The following TNFRSF10D variants were observed in gnomAD, a reference collection of about 807,000 sequenced individuals.
The protein encoded by TNFRSF10D is tumor necrosis factor receptor superfamily member 10D.
TNFRSF10D carries 28 observed loss-of-function variants against 42.1 expected under a neutral mutation model. That is an observed-to-expected ratio of 0.66 (90% CI 0.49 to 0.91). The LOEUF (loss-of-function observed/expected upper bound fraction) is 0.91. Among genes scored for constraint, TNFRSF10D ranks in the 40% least tolerant of loss-of-function variants. The probability of loss-of-function intolerance (pLI) is 0.00; values close to 1 mark genes in which losing one functional copy is unlikely to be tolerated. For missense variants in TNFRSF10D, 503 were observed against 486.1 expected, an observed-to-expected ratio of 1.03 and a Z score of -0.33; for synonymous variants, 186 against 189.4, an observed-to-expected ratio of 0.98 and a Z score of 0.15.
At chr8:23,159,019 A>C (rs1026827832) in intron 1 of TNFRSF10D, among the ~76,000 whole-genome samples, 2 of 152,036 alleles carry the variant, frequency 1.3e-5, no homozygotes, top group African/African-American at 4.8e-5. Context: ...ACAATAGATT[A>C]GTTGTATTTT....
intron 1 of TNFRSF10D, among the ~76,000 whole-genome samples, chr8:23,155,774 A>G (rs1461179284): frequency 1.3e-5 from 2 of 151,954 alleles, no homozygotes; most frequent in Admixed American, 6.6e-5. Context: ...CATCTAATGT[A>G]TTTAGTTTGA....
At chr8:23,163,755 TC>T in intron 1 of TNFRSF10D, 30 bp downstream of exon 1, 1 of 1,602,696 alleles carries the variant, frequency 6.2e-7, no homozygotes, top group Middle Eastern at 1.7e-4. Flanking sequence ...GGTGCGCTCT[TC>T]CCCAGCCAGG....
intron 5 of TNFRSF10D, among the ~76,000 whole-genome samples, chr8:23,145,381 G>C (rs373899526): frequency 6.6e-6 from 1 of 152,242 alleles, no homozygotes; most frequent in Non-Finnish European, 1.5e-5. Flanking sequence ...TTGAGGAGCT[G>C]ACTGCCCCCT....
intron 1 of TNFRSF10D, among the ~76,000 whole-genome samples, chr8:23,159,539 T>A (rs1262152560): frequency 6.6e-6 from 1 of 151,810 alleles, no homozygotes; most frequent in Non-Finnish European, 1.5e-5. Flanking sequence ...TCTCACTGCT[T>A]CTCTGTGCTA....
rs568631333 is a variant in TNFRSF10D at position 23,160,752 on chromosome 8, T to C, written c.150+3034A>G. On this transcript the variant is annotated intron_variant, in intron 1 of 8. Coordinates refer to ENST00000312584, the MANE Select transcript of TNFRSF10D (RefSeq NM_003840.5). ...TGGATACAGGACAGAGAACCAGAAC[T>C]GGGACCGTGGCCTCTCAGTAGGGGC... Among the ~76,000 whole-genome samples, 38 of 152,308 alleles carry C rather than the reference T, an allele frequency of 2.5e-4. 1 individual carries two copies. The highest frequency in any genetic ancestry group is 4.9e-4 in the Non-Finnish European group (33 of 68,004).
At chr8:23,156,783 G>T (rs1431229448) in intron 1 of TNFRSF10D, among the ~76,000 whole-genome samples, 1 of 152,110 alleles carries the variant, frequency 6.6e-6, no homozygotes, top group African/African-American at 2.4e-5. Flanking sequence ...TGCCCAGGCT[G>T]GTCTAACTCC....
chr8:23,156,270 C>T (rs556028496), intron 1 of TNFRSF10D, among the ~76,000 whole-genome samples: 1 of 152,090 alleles, frequency 6.6e-6, no homozygotes, highest in African/African-American at 2.4e-5. Context: ...TGTAAATTTA[C>T]ATTTAATTAA....
Position 23,137,433 on chromosome 8 carries a change from A to C in TNFRSF10D, c.*437T>G, listed in dbSNP as rs903853794. 2.5e-5 allele frequency: 4 copies of C among 157,068 alleles called. No individual in the cohort carries two copies. The highest frequency in any genetic ancestry group is 9.6e-5 in the African/African-American group (4 of 41,496). The allele number at this position is 157,068 out of a possible 1,614,324, so 9.7% of individuals were successfully genotyped here. A position where few individuals can be genotyped will look rare whatever the true frequency, so the allele number is the denominator to read the frequency against. On this transcript the variant is annotated 3_prime_UTR_variant, in exon 9 of 9. Coordinates refer to ENST00000312584, the MANE Select transcript of TNFRSF10D (RefSeq NM_003840.5). Reference sequence around the variant, plus strand: ...AGAAGCAGAAAAAAAGACTTGTCTCATGATGAAGAACTGCAAAGAATGACA... The same window carrying C: ...AGAAGCAGAAAAAAAGACTTGTCTCCTGATGAAGAACTGCAAAGAATGACA...
intron 7 of TNFRSF10D, among the ~76,000 whole-genome samples, chr8:23,143,376 C>G (rs1031722112): frequency 1.3e-5 from 2 of 151,998 alleles, no homozygotes; most frequent in African/African-American, 2.4e-5. Flanking sequence ...TGCCTGTAAT[C>G]CCACCACTTT....
chr8:23,157,755 C>T (rs1800301463), intron 1 of TNFRSF10D, among the ~76,000 whole-genome samples: 1 of 152,186 alleles, frequency 6.6e-6, no homozygotes, highest in Non-Finnish European at 1.5e-5. Context: ...TTTTTAACTA[C>T]AAGGGTCCCT....
chr8:23,155,015 T>A, intron 1 of TNFRSF10D, 36 bp from the exon 2 acceptor site: 1 of 1,524,080 alleles, frequency 6.6e-7, no homozygotes, highest in Non-Finnish European at 8.9e-7. Flanking sequence ...TTGAGTGGCT[T>A]CCAGACCTTA....
intron 2 of TNFRSF10D, 123 bp from the exon 3 acceptor site, chr8:23,148,674 C>A (rs1686400622): frequency 1.6e-6 from 1 of 626,386 alleles, no homozygotes; most frequent in Non-Finnish European, 2.8e-6. Context: ...CTCTTCTTGG[C>A]TTGGTCTTGT....
chr8:23,137,796 G>A lies in TNFRSF10D; in HGVS notation c.*74C>T, dbSNP rs111978790. 2,328 of 1,554,622 alleles carry A rather than the reference G, an allele frequency of 1.5e-3. No homozygotes were observed. In the African/African-American group the frequency reaches 0.018, roughly 12 times the overall value. ...TGGGGCATGGGTCAAGTACTGGACTGTTTCTTCCAGGCTGCTTCCCTTTGT... is the reference window on the plus strand; with the variant it reads ...TGGGGCATGGGTCAAGTACTGGACTATTTCTTCCAGGCTGCTTCCCTTTGT... On this transcript the variant is annotated 3_prime_UTR_variant, in exon 9 of 9. Coordinates refer to ENST00000312584, the MANE Select transcript of TNFRSF10D (RefSeq NM_003840.5).
At chr8:23,139,663 A>G (rs1230410282) in intron 7 of TNFRSF10D, among the ~76,000 whole-genome samples, 1 of 152,174 alleles carries the variant, frequency 6.6e-6, no homozygotes, top group Non-Finnish European at 1.5e-5. Flanking sequence ...TCAACATAGT[A>G]CTGGAAGTCC....
intron 5 of TNFRSF10D, 132 bp downstream of exon 5, chr8:23,145,536 C>A: frequency 7.2e-7 from 1 of 1,393,268 alleles, no homozygotes; most frequent in Non-Finnish European, 9.8e-7. Flanking sequence ...GGGGCGATCA[C>A]AAGAAGGAAG....
chr8:23,148,472 CA>C lies in TNFRSF10D; in HGVS notation c.335del (p.Leu112CysfsTer88), dbSNP rs1466914019. ...AAACTGTACATAGCAGGCAAGAAGG[CA>C]AATTGTTGGAAGCAATGGTGTAATC... is the stretch of plus-strand genomic sequence containing the variant. The part of the protein sequence containing the change: ...GVDYTIASNN[L>X]PSCLLCTVCK... On this transcript the variant is annotated frameshift_variant, in exon 3 of 9. Coordinates refer to ENST00000312584, the MANE Select transcript of TNFRSF10D (RefSeq NM_003840.5). LOFTEE classifies it high-confidence loss of function. 1 of 1,610,312 alleles carries C rather than the reference CA, an allele frequency of 6.2e-7. No homozygotes were observed. The highest frequency in any genetic ancestry group is 1.1e-5 in the South Asian group (1 of 90,984).
At chr8:23,158,354 G>A (rs1163097555) in intron 1 of TNFRSF10D, among the ~76,000 whole-genome samples, 1 of 152,168 alleles carries the variant, frequency 6.6e-6, no homozygotes, top group Non-Finnish European at 1.5e-5. Context: ...TCAACTTCAT[G>A]TGATACTGAG....
At chr8:23,149,356 G>A (rs7459818) in intron 2 of TNFRSF10D, among the ~76,000 whole-genome samples, 1 of 151,368 alleles carries the variant, frequency 6.6e-6, no homozygotes, top group Admixed American at 6.6e-5. Flanking sequence ...TCCTGCCTCA[G>A]CCTCCTGAGT....
chr8:23,145,859 T>C lies in TNFRSF10D; in HGVS notation c.545A>G (p.Asn182Ser). The C allele has an allele frequency of 1.2e-6, 2 of 1,614,190 alleles. No individual in the cohort carries two copies. The highest frequency in any genetic ancestry group is 1.7e-6 in the Non-Finnish European group (2 of 1,180,028). ...CTPRSDIKCK[N>S]ESAASSTGKT... ...CCCAGTGGAACTGGCAGCTGATTCA[T>C]TTTTGCACTTGATGTCACTCCGGGG... Residue 182 changes from asparagine (N) to serine (S), a missense_variant, in exon 5 of 9, where the codon AAT (asparagine) becomes AGT (serine). Asn to Ser is a conservative substitution (Grantham distance 46, BLOSUM62 1). Transcript: ENST00000312584.
Sources: gnomAD v4.1 joint callset for allele counts (sites outside exome capture counted in the v4.1 genomes callset) on GRCh38, gnomAD v4.1.1 for gene constraint, MANE v1.5 for transcripts, NCBI Gene and HGNC (gene_info 2026-07-23, HGNC 2026-07-21) for gene names.